Variants in MGST1 observed in about 807,000 individuals in gnomAD.
MGST1 encodes the protein microsomal glutathione S-transferase 1, also known as glutathione S-transferase 12.
MGST1 carries 5 observed loss-of-function variants against 8.9 expected under a neutral mutation model. The observed-to-expected ratio is 0.56, with a 90% CI of 0.29 to 1.19. The LOEUF (loss-of-function observed/expected upper bound fraction) is 1.19, where lower values mean the gene tolerates loss of function less well. Ranked by LOEUF, MGST1 falls within the 50% of genes most tolerant of loss-of-function variation. The pLI, the probability that MGST1 is intolerant of heterozygous loss-of-function variation, is 0.08. For synonymous variants in MGST1, 54 were observed against 67.8 expected (o/e 0.80, Z 1.00); for missense variants, 182 against 187.4 (o/e 0.97, Z 0.17).
intron 1 of MGST1, among the ~76,000 whole-genome samples, chr12:16,431,807 A>G (rs1940941852): frequency 6.6e-6 from 1 of 152,190 alleles, no homozygotes; most frequent in Non-Finnish European, 1.5e-5. Context: ...TTCTGCAAAC[A>G]TCCAAGTTGT....
intron 1 of MGST1, chr12:16,400,411 TG>T: frequency 1.2e-6 from 1 of 817,302 alleles, no homozygotes; most frequent in Admixed American, 1.7e-5. Flanking sequence ...CAGCCTCTTT[TG>T]GGCAATATTT....
intron 1 of MGST1, among the ~76,000 whole-genome samples, chr12:16,392,346 A>G (rs1172541661): frequency 6.6e-6 from 1 of 152,200 alleles, no homozygotes; most frequent in African/African-American, 2.4e-5. Context: ...AGCCTCTAGC[A>G]TGGTTAATTT....
chr12:16,364,150 G>A lies in MGST1; in HGVS notation c.*109G>A. 7.0e-7 allele frequency: 1 copy of A among 1,430,358 alleles called. No individual in the cohort carries two copies. The highest frequency in any genetic ancestry group is 9.2e-7 in the Non-Finnish European group (1 of 1,089,318). The allele number at this position is 1,430,358 out of a possible 1,614,324, so 88.6% of individuals were successfully genotyped here. ...GGTAGGAGGGGAGCAGAGGAATTAT[G>A]AACTGGGGTAAACCCATTTTGAATA... On this transcript the variant is annotated 3_prime_UTR_variant, in exon 4 of 4. Transcript: ENST00000396210. The surrounding 1 kb of genome is among the most constrained non-coding windows in gnomAD (Gnocchi z 5.7).
At chr12:16,521,987 C>T (rs999529798) in intron 4 of MGST1, among the ~76,000 whole-genome samples, 4 of 152,178 alleles carry the variant, frequency 2.6e-5, no homozygotes, top group African/African-American at 9.6e-5. Context: ...TGTGGCCACA[C>T]GGTGCAGCTC....
chr12:16,538,028 C>T (rs1166295126), intron 4 of MGST1, among the ~76,000 whole-genome samples: 1 of 152,198 alleles, frequency 6.6e-6, no homozygotes, highest in Non-Finnish European at 1.5e-5. Flanking sequence ...TGCAAATTTT[C>T]CAAACTTTTA....
rs955897444 is a variant in MGST1, at chr12:16,413,021, G to C, written n.779-24367G>C. Reference sequence around the variant, plus strand: ...ATGTCATAATAATAAGCCAGAAAGAGAGTAGGGAACTCCTCAGTCCACCCC... The same window carrying C: ...ATGTCATAATAATAAGCCAGAAAGACAGTAGGGAACTCCTCAGTCCACCCC... On this transcript the variant is annotated intron_variant and non_coding_transcript_variant, in intron 1 of 1. Coordinates refer to the MGST1 transcript ENST00000359720. This position sits in a 1 kb window ranked among gnomAD's most constrained non-coding sequence, Gnocchi z 4.0. Among the ~76,000 whole-genome samples the C allele has an allele frequency of 3.3e-5, 5 of 152,186 alleles. No homozygotes were observed. Among genetic ancestry groups the C allele is most frequent in the African/African-American group, 9.7e-5 (4 of 41,448 alleles).
chr12:16,485,683 T>C (rs901135632), intron 4 of MGST1, among the ~76,000 whole-genome samples: 2 of 152,122 alleles, frequency 1.3e-5, no homozygotes, highest in Non-Finnish European at 2.9e-5. Context: ...AAGACAAAAT[T>C]TAAATGGACA....
intron 4 of MGST1, among the ~76,000 whole-genome samples, chr12:16,505,380 A>G (rs1335916425): frequency 6.6e-6 from 1 of 152,198 alleles, no homozygotes; most frequent in African/African-American, 2.4e-5. Context: ...TGTCTAGCTG[A>G]ATATCCTTTA....
At position 16,585,438 on chromosome 12, in the gene MGST1, T is replaced by C. The variant is rs1289583312; in HGVS notation, n.483-4090T>C. Among the ~76,000 whole-genome samples, 1 of 152,252 alleles carries C rather than the reference T, an allele frequency of 6.6e-6. No homozygotes were observed. The highest frequency in any genetic ancestry group is 1.5e-5 in the Non-Finnish European group (1 of 68,034). ...GTTATTTTTGCTACCATCTTCATCC[T>C]ACACAGTGAGCATAAATGTTGTTTC... is the stretch of plus-strand genomic sequence containing the variant. On this transcript the variant is annotated intron_variant and non_coding_transcript_variant, in intron 4 of 4. Transcript: ENST00000538857. This position sits in a 1 kb window ranked among gnomAD's most constrained non-coding sequence, Gnocchi z 4.7.
At chr12:16,468,203 C>T (rs554073365) in intron 4 of MGST1, among the ~76,000 whole-genome samples, 9 of 152,050 alleles carry the variant, frequency 5.9e-5, no homozygotes, top group African/African-American at 1.7e-4. Context: ...ACAATAAGAA[C>T]GAATGTTATT....
intron 4 of MGST1, among the ~76,000 whole-genome samples, chr12:16,467,532 T>C (rs1441562591): frequency 1.3e-5 from 2 of 152,216 alleles, no homozygotes; most frequent in Non-Finnish European, 2.9e-5. Flanking sequence ...CTAAGAATTC[T>C]AAGAGCCCAC....
At chr12:16,391,367 C>T (rs1490992459) in intron 1 of MGST1, among the ~76,000 whole-genome samples, 1 of 149,316 alleles carries the variant, frequency 6.7e-6, no homozygotes, top group Non-Finnish European at 1.5e-5. Context: ...CTCCCTGTGT[C>T]CATGTGTTCT....
intron 4 of MGST1, among the ~76,000 whole-genome samples, chr12:16,478,692 T>TA (rs920240925): frequency 2.0e-5 from 3 of 152,070 alleles, no homozygotes; most frequent in African/African-American, 4.8e-5. Flanking sequence ...ATTACAATAT[T>TA]AAAAAATGTA....
chr12:16,475,960 G>GAA (rs796973337), intron 4 of MGST1, among the ~76,000 whole-genome samples: 21 of 140,558 alleles, frequency 1.5e-4, no homozygotes, highest in African/African-American at 4.6e-4. Flanking sequence ...CGTCTGAAAA[G>GAA]AAAAAAAAAA....
rs554687355 is a variant in MGST1, at chr12:16,478,826, A to G, written n.482+95222A>G. Reference sequence around the variant, plus strand: ...TTTAGTTTATTGACATGAAATTCACATAACATAAAGTCATGTGAAATTGAA... The same window carrying G: ...TTTAGTTTATTGACATGAAATTCACGTAACATAAAGTCATGTGAAATTGAA... On this transcript the variant is annotated intron_variant and non_coding_transcript_variant, in intron 4 of 4. Coordinates refer to the MGST1 transcript ENST00000538857. Among the ~76,000 whole-genome samples, 9 of 152,280 alleles carry G rather than the reference A, an allele frequency of 5.9e-5. No individual in the cohort carries two copies. In the South Asian group the frequency reaches 1.7e-3, roughly 28 times the overall value.
At chr12:16,479,129 T>A (rs763777140) in intron 4 of MGST1, among the ~76,000 whole-genome samples, 96 of 152,116 alleles carry the variant, frequency 6.3e-4, no homozygotes, top group Non-Finnish European at 9.6e-4. Context: ...GGAGTATGTA[T>A]CTACTATACA....
chr12:16,531,186 A>G (rs924328275), intron 4 of MGST1, among the ~76,000 whole-genome samples: 11 of 144,816 alleles, frequency 7.6e-5, no homozygotes, highest in Non-Finnish European at 1.4e-4. Flanking sequence ...AAAAAAAGTA[A>G]TGATCATGGT....
rs1943309202 is a variant in MGST1 at position 16,586,032 on chromosome 12, T to G, written n.483-3496T>G. Among the ~76,000 whole-genome samples, 1 of 152,092 alleles carries G rather than the reference T, an allele frequency of 6.6e-6. No homozygotes were observed. Among genetic ancestry groups the G allele is most frequent in the Non-Finnish European group, 1.5e-5 (1 of 68,016 alleles). On this transcript the variant is annotated intron_variant and non_coding_transcript_variant, in intron 4 of 4. Transcript: ENST00000538857. This position sits in a 1 kb window ranked among gnomAD's most constrained non-coding sequence, Gnocchi z 4.3. ...ACACTGATGTTTTTGCAGCTGTTAA[T>G]GAAAATCTTCAACACAGGAAAACAG...
intron 4 of MGST1, among the ~76,000 whole-genome samples, chr12:16,457,888 G>T (rs760845100): frequency 6.6e-6 from 1 of 151,932 alleles, no homozygotes; most frequent in East Asian, 1.9e-4. Flanking sequence ...GAAACAATGT[G>T]CTGCTTAATT....
Sources: allele counts gnomAD v4.1 joint callset (sites outside exome capture counted in the v4.1 genomes callset), GRCh38; gene constraint gnomAD v4.1.1; non-coding constraint Gnocchi (gnomAD v3.1); transcripts MANE v1.5; gene names NCBI Gene and HGNC (gene_info 2026-07-23, HGNC 2026-07-21).